Variants in LOXHD1 observed in about 807,000 individuals in gnomAD.
LOXHD1 encodes lipoxygenase homology domain-containing protein 1.
In LOXHD1, 205 loss-of-function variants were observed where a neutral mutation model predicts 248.2. The observed-to-expected ratio is 0.83, with a 90% CI of 0.74 to 0.93. The LOEUF is 0.93. LOXHD1 is among the 40% of genes least tolerant of loss of function. LOXHD1 has a pLI of 0.00. For missense variants in LOXHD1, 2,930 were observed against 2,971.6 expected (o/e 0.99, Z 0.33); for synonymous variants, 1,113 against 1,162.8 (o/e 0.96, Z 0.87).
intron 4 of LOXHD1, among the ~76,000 whole-genome samples, chr18:46,622,892 T>C (rs989729474): frequency 1.3e-5 from 2 of 152,102 alleles, no homozygotes; most frequent in Admixed American, 6.5e-5. Flanking sequence ...CATAGCCTGA[T>C]TGAGAGTAAG....
chr18:46,599,816 A>T (rs1179954250), intron 8 of LOXHD1, among the ~76,000 whole-genome samples: 1 of 152,216 alleles, frequency 6.6e-6, no homozygotes, highest in East Asian at 1.9e-4. Flanking sequence ...ATAAAAACAC[A>T]TTCAACCTTG....
chr18:46,618,489 T>C (rs1180478270), intron 4 of LOXHD1, among the ~76,000 whole-genome samples, 199 bp from the exon 5 acceptor site: 1 of 152,182 alleles, frequency 6.6e-6, no homozygotes, highest in African/African-American at 2.4e-5. Context: ...ATCATTACTG[T>C]CAACAACAGA....
chr18:46,594,373 G>A lies in LOXHD1; in HGVS notation c.1228C>T (p.Gln410Ter), dbSNP rs777587826. 2 of 1,551,648 alleles carry A rather than the reference G, an allele frequency of 1.3e-6. No individual in the cohort carries two copies. Among genetic ancestry groups the A allele is most frequent in the South Asian group, 1.2e-5 (1 of 84,054 alleles). ...CTGAGAGACACCATCTCATAGAGCT[G>A]CCTCTCAATCAACCCATCCGCTTTC... The part of the protein sequence containing the change: ...EKKADGLIER[Q>*]LYEMVSLRKK... Residue 410 changes from glutamine (Q) to a stop codon, truncating the protein, a stop_gained, in exon 9 of 41, where the codon CAG (glutamine) becomes TAG (stop). Coordinates refer to ENST00000642948, the MANE Select transcript of LOXHD1 (RefSeq NM_001384474.1). LOFTEE classifies it high-confidence loss of function.
At position 46,641,854 on chromosome 18, in the gene LOXHD1, A is replaced by G. The variant is rs142364123; in HGVS notation, c.326+102T>C. 3.9e-4 allele frequency: 466 copies of G among 1,205,798 alleles called. 2 individuals carry two copies. The African/African-American group carries it at 5.2e-3, about 14-fold the overall frequency. The allele number at this position is 1,205,798 out of a possible 1,614,324, so 74.7% of individuals were successfully genotyped here. On this transcript the variant is annotated intron_variant, in intron 3 of 40. Transcript: ENST00000642948. ...ATTTGGGCCTTTGGTAGCCCCTCAAATAACATCTGGGAAGTAATTCATACC... is the reference window on the plus strand; with the variant it reads ...ATTTGGGCCTTTGGTAGCCCCTCAAGTAACATCTGGGAAGTAATTCATACC...
At chr18:46,602,567 C>G (rs1050429857) in intron 7 of LOXHD1, among the ~76,000 whole-genome samples, 1 of 151,964 alleles carries the variant, frequency 6.6e-6, no homozygotes, top group South Asian at 2.1e-4. Flanking sequence ...TGTTAATTCC[C>G]CTACCCATCC....
rs1177341105 is a variant in LOXHD1, at chr18:46,559,155, C to A, written c.3216+293G>T. On this transcript the variant is annotated intron_variant, in intron 20 of 40. Transcript: ENST00000642948. ...CTTGCGGCGAGGACTTCCTCTTGAACCCCCGCATCCCTACCAAGTGCCTCA... is the reference window on the plus strand; with the variant it reads ...CTTGCGGCGAGGACTTCCTCTTGAAACCCCGCATCCCTACCAAGTGCCTCA... The A allele has an allele frequency of 1.2e-5, 17 of 1,392,926 alleles. No individual in the cohort carries two copies. The East Asian group carries it at 6.3e-4, about 52-fold the overall frequency. 86.3% of individuals were successfully genotyped at this position (1,392,926 alleles called of 1,614,324 possible).
intron 4 of LOXHD1, among the ~76,000 whole-genome samples, chr18:46,631,647 C>T (rs181424116): frequency 2.0e-5 from 3 of 152,274 alleles, no homozygotes; most frequent in Non-Finnish European, 2.9e-5. Context: ...GGCCCTGGCA[C>T]GTTTTAACAG....
chr18:46,560,503 C>G lies in LOXHD1; in HGVS notation c.2641G>C (p.Gly881Arg). The change falls in exon 19 of 41, where the codon GGG becomes CGG. Residue 881 changes from glycine to arginine, a missense_variant. Gly to Arg is a moderately radical substitution (Grantham distance 125, BLOSUM62 -2). Transcript: ENST00000642948. The stretch of plus-strand genomic sequence containing the variant: ...GGCCCAAAGCCCTCGCCCGTGTGCC[C>G]GAGCCGGAGCTTATAGACCTCGCCC... The part of the protein sequence containing the change: ...DVGEVYKLRL[G>R]HTGEGFGPSW... 3 of 1,537,114 alleles carry G rather than the reference C, an allele frequency of 2.0e-6. No individual in the cohort carries two copies. The highest frequency in any genetic ancestry group is 2.6e-6 in the Non-Finnish European group (3 of 1,146,394).
intron 29 of LOXHD1, 116 bp from the exon 30 acceptor site, chr18:46,525,033 T>A: frequency 8.2e-7 from 1 of 1,220,026 alleles, no homozygotes; most frequent in Non-Finnish European, 1.1e-6. Context: ...ACAGACCTTC[T>A]TTGCTGGGGA....
intron 37 of LOXHD1, 148 bp from the exon 38 acceptor site, chr18:46,489,290 G>A (rs1229498120): frequency 1.2e-6 from 1 of 847,574 alleles, no homozygotes; most frequent in Non-Finnish European, 1.9e-6. Context: ...ATAAAGTGAG[G>A]GGTTGGGTTA....
chr18:46,495,108 C>A (rs2033772297), intron 37 of LOXHD1, among the ~76,000 whole-genome samples: 1 of 152,162 alleles, frequency 6.6e-6, no homozygotes, highest in South Asian at 2.1e-4. Flanking sequence ...CCAGCCTCGG[C>A]CTCCCAAAGT....
chr18:46,515,141 C>T (rs1277443741), intron 34 of LOXHD1, among the ~76,000 whole-genome samples: 1 of 152,218 alleles, frequency 6.6e-6, no homozygotes, highest in African/African-American at 2.4e-5. Context: ...TAGCATCTGA[C>T]TGCAGGAGCG....
Position 46,522,229 on chromosome 18 carries a change from C to T in LOXHD1, c.4957G>A (p.Gly1653Arg), listed in dbSNP as rs374897301. The T allele has an allele frequency of 2.1e-5, 33 of 1,551,894 alleles. No individual in the cohort carries two copies. The highest frequency in any genetic ancestry group is 2.7e-5 in the Non-Finnish European group (31 of 1,147,050). Reference sequence around the variant, plus strand: ...CGCTTACTACGTTCATCATCCTCCCCGATGAGAAAGATGAAGGCTCGGCTG... The same window carrying T: ...CGCTTACTACGTTCATCATCCTCCCTGATGAGAAAGATGAAGGCTCGGCTG... ...TDSRAFIFLI[G>R]EDDERSKRIW... Residue 1653 changes from glycine (G) to arginine (R), a missense_variant, in exon 32 of 41, where the codon GGG (glycine) becomes AGG (arginine). Coordinates refer to ENST00000642948, the MANE Select transcript of LOXHD1 (RefSeq NM_001384474.1).
chr18:46,610,763 C>T lies in LOXHD1; in HGVS notation c.759+13G>A. On this transcript the variant is annotated intron_variant, in intron 6 of 40. Coordinates refer to ENST00000642948, the MANE Select transcript of LOXHD1 (RefSeq NM_001384474.1). ...CAAGGCCACAGGGACTGCAGAGAAG[C>T]AGCTGAACTCACCTGGGACAGGAAC... 4 of 1,546,760 alleles carry T rather than the reference C, an allele frequency of 2.6e-6. No individual in the cohort carries two copies. The highest frequency in any genetic ancestry group is 3.5e-6 in the Non-Finnish European group (4 of 1,144,156).
intron 4 of LOXHD1, among the ~76,000 whole-genome samples, chr18:46,627,159 G>A (rs139661808): frequency 6.6e-6 from 1 of 152,322 alleles, no homozygotes; most frequent in African/African-American, 2.4e-5. Context: ...ACAGTCGAAA[G>A]TTCCTGCCAA....
At chr18:46,629,394 G>C (rs1568224857) in intron 4 of LOXHD1, among the ~76,000 whole-genome samples, 1 of 152,220 alleles carries the variant, frequency 6.6e-6, no homozygotes, top group Non-Finnish European at 1.5e-5. Context: ...CAGAGCCTTT[G>C]CGATGGGTGT....
Position 46,618,260 on chromosome 18 carries a change from C to A in LOXHD1, c.542G>T (p.Gly181Val), listed in dbSNP as rs1227420467. Residue 181 changes from glycine to valine, a missense_variant, in exon 5 of 41, where the codon GGT becomes GTT. Gly to Val is a moderately radical substitution (Grantham distance 109). Coordinates refer to ENST00000642948, the MANE Select transcript of LOXHD1 (RefSeq NM_001384474.1). ...GNKYEVKVYT[G>V]DVIGAGTDAD... The stretch of plus-strand genomic sequence containing the variant: ...ATCTGTCCCTGCACCAATTACATCA[C>A]CAGTGTATACCTTGACTTCATACTT... 6.4e-7 allele frequency: 1 copy of A among 1,551,278 alleles called. No homozygotes were observed. The highest frequency in any genetic ancestry group is 2.0e-5 in the Admixed American group (1 of 51,012).
At chr18:46,512,552 C>G (rs2035027644) in intron 34 of LOXHD1, among the ~76,000 whole-genome samples, 1 of 152,170 alleles carries the variant, frequency 6.6e-6, no homozygotes, top group Admixed American at 6.5e-5. Flanking sequence ...ATTGCAATTC[C>G]CCTGCTTTGA....
chr18:46,539,774 G>T (rs1452377084), intron 25 of LOXHD1, among the ~76,000 whole-genome samples: 3 of 151,614 alleles, frequency 2.0e-5, no homozygotes, highest in Non-Finnish European at 4.4e-5. Context: ...AATTGCTCTG[G>T]GTCACAGTAA....
Sources: gnomAD v4.1 joint callset for allele counts (sites outside exome capture counted in the v4.1 genomes callset) on GRCh38, gnomAD v4.1.1 for gene constraint, MANE v1.5 for transcripts, NCBI Gene and HGNC (gene_info 2026-07-23, HGNC 2026-07-21) for gene names.